The following CLSTN2 variants were observed in gnomAD, a reference collection of about 807,000 sequenced individuals.
CLSTN2 encodes the protein calsyntenin 2.
A neutral mutation model predicts 101.2 loss-of-function variants in CLSTN2; 48 were observed. The observed-to-expected ratio is 0.47, with a 90% CI of 0.38 to 0.60. The LOEUF is 0.60. CLSTN2 is among the 20% of genes least tolerant of loss of function. The pLI, the probability that CLSTN2 is intolerant of heterozygous loss-of-function variation, is 0.00. For missense variants in CLSTN2, 1,160 were observed against 1,238.2 expected (o/e 0.94, Z 0.95); for synonymous variants, 481 against 463.6 (o/e 1.04, Z -0.48).
At chr3:140,370,607 A>G (rs762976921) in intron 2 of CLSTN2, among the ~76,000 whole-genome samples, 1 of 151,898 alleles carries the variant, frequency 6.6e-6, no homozygotes, top group Non-Finnish European at 1.5e-5. Flanking sequence ...CCCCAGCACA[A>G]CTCCACTGGT....
intron 2 of CLSTN2, among the ~76,000 whole-genome samples, chr3:140,177,732 G>T (rs1308645090): frequency 6.6e-6 from 1 of 152,122 alleles, no homozygotes; most frequent in East Asian, 1.9e-4. Context: ...ATTTTAGATG[G>T]CTGCTGTGAA....
At chr3:140,214,479 A>G (rs2010897356) in intron 2 of CLSTN2, among the ~76,000 whole-genome samples, 1 of 151,804 alleles carries the variant, frequency 6.6e-6, no homozygotes. Flanking sequence ...GTCCACTTTG[A>G]AGGGGTTTTT....
intron 1 of CLSTN2, among the ~76,000 whole-genome samples, chr3:140,125,605 G>A (rs538497949): frequency 2.0e-5 from 3 of 152,150 alleles, no homozygotes; most frequent in East Asian, 1.9e-4. Context: ...AGAGGAAGGT[G>A]TGAACTAATC....
intron 8 of CLSTN2, among the ~76,000 whole-genome samples, chr3:140,525,026 A>G (rs1935107471): frequency 6.6e-6 from 1 of 152,224 alleles, no homozygotes; most frequent in Non-Finnish European, 1.5e-5. Context: ...CTAACATCAC[A>G]CCTAGAGGAA....
chr3:139,986,425 T>C (rs1325106831), intron 1 of CLSTN2, among the ~76,000 whole-genome samples: 2 of 152,106 alleles, frequency 1.3e-5, no homozygotes, highest in Admixed American at 6.5e-5. Context: ...TCTTGCCCAA[T>C]GTAAGTGGCA....
At chr3:140,281,096 T>A (rs1265582095) in intron 2 of CLSTN2, among the ~76,000 whole-genome samples, 1 of 152,210 alleles carries the variant, frequency 6.6e-6, no homozygotes, top group Non-Finnish European at 1.5e-5. Context: ...CAGGTCTAAA[T>A]GGGAGTGTGA....
At chr3:140,420,510 C>A (rs2088489766) in intron 4 of CLSTN2, among the ~76,000 whole-genome samples, 1 of 152,154 alleles carries the variant, frequency 6.6e-6, no homozygotes, top group Admixed American at 6.5e-5. Context: ...CAAAAACACA[C>A]AAACAACTCA....
At chr3:140,059,950 G>A (rs2008170604) in intron 1 of CLSTN2, among the ~76,000 whole-genome samples, 2 of 152,132 alleles carry the variant, frequency 1.3e-5, no homozygotes, top group Non-Finnish European at 2.9e-5. Context: ...ACCGATCTGG[G>A]GAGGAACTGG....
intron 12 of CLSTN2, among the ~76,000 whole-genome samples, chr3:140,559,696 T>C (rs902146886): frequency 6.6e-6 from 1 of 152,058 alleles, no homozygotes; most frequent in African/African-American, 2.4e-5. Flanking sequence ...TCCAAGAGAA[T>C]ATATTCAACT....
At chr3:140,392,390 A>G (rs2107971333) in intron 2 of CLSTN2, among the ~76,000 whole-genome samples, 1 of 152,204 alleles carries the variant, frequency 6.6e-6, no homozygotes, top group Middle Eastern at 3.4e-3. Context: ...ACAGTCTAAG[A>G]CATCTCAAAT....
intron 5 of CLSTN2, among the ~76,000 whole-genome samples, chr3:140,428,146 T>C (rs1387302738): frequency 6.6e-6 from 1 of 152,206 alleles, no homozygotes; most frequent in Non-Finnish European, 1.5e-5. Flanking sequence ...ATCCAGTGGC[T>C]AGTTTGGGGT....
At position 140,577,299 on chromosome 3, in the gene CLSTN2, T is replaced by C. The variant is rs879232554; in HGVS notation, c.*11046T>C. 6.6e-6 allele frequency: 1 copy of C among 152,264 alleles called. No homozygotes were observed. The highest frequency in any genetic ancestry group is 2.4e-5 in the African/African-American group (1 of 41,476). 9.4% of individuals were successfully genotyped at this position (152,264 alleles called of 1,614,324 possible). A position where few individuals can be genotyped will look rare whatever the true frequency, so the allele number is the denominator to read the frequency against. On this transcript the variant is annotated 3_prime_UTR_variant, in exon 17 of 17. Transcript: ENST00000458420. ...ACACAGACAGATTTTTATTTTCAGCTGTGGCTTGTAAATGCCTACAAACTG... is the reference window on the plus strand; with the variant it reads ...ACACAGACAGATTTTTATTTTCAGCCGTGGCTTGTAAATGCCTACAAACTG...
intron 2 of CLSTN2, among the ~76,000 whole-genome samples, chr3:140,230,925 T>C (rs1014932747): frequency 1.3e-5 from 2 of 152,186 alleles, no homozygotes; most frequent in Non-Finnish European, 1.5e-5. Flanking sequence ...AAGAACCTTG[T>C]AGGCTCTCAG....
At chr3:139,952,286 C>A (rs1415646031) in intron 1 of CLSTN2, among the ~76,000 whole-genome samples, 1 of 152,116 alleles carries the variant, frequency 6.6e-6, no homozygotes, top group Non-Finnish European at 1.5e-5. Context: ...ACCATATTTT[C>A]GATTATAATG....
At chr3:140,463,797 G>A (rs1013375013) in intron 7 of CLSTN2, among the ~76,000 whole-genome samples, 2 of 152,232 alleles carry the variant, frequency 1.3e-5, no homozygotes, top group African/African-American at 4.8e-5. Flanking sequence ...GGGCCAAAGG[G>A]ACATCCAGAA....
intron 8 of CLSTN2, among the ~76,000 whole-genome samples, chr3:140,522,050 T>C (rs1244284619): frequency 1.3e-5 from 2 of 152,202 alleles, no homozygotes; most frequent in Admixed American, 1.3e-4. Flanking sequence ...CCCTGGTGGC[T>C]TGGGCTAATG....
intron 2 of CLSTN2, among the ~76,000 whole-genome samples, chr3:140,328,304 T>G (rs1031926645): frequency 6.6e-6 from 1 of 152,138 alleles, no homozygotes; most frequent in Non-Finnish European, 1.5e-5. Context: ...AGAGACCAAC[T>G]CCTTAAGCTG....
intron 1 of CLSTN2, among the ~76,000 whole-genome samples, chr3:140,044,640 C>T (rs1233290655): frequency 6.6e-6 from 1 of 152,122 alleles, no homozygotes; most frequent in Non-Finnish European, 1.5e-5. Context: ...AGTTTTTGCC[C>T]ATTCAGTATG....
chr3:140,336,232 C>G (rs1184917148), intron 2 of CLSTN2, among the ~76,000 whole-genome samples: 1 of 152,168 alleles, frequency 6.6e-6, no homozygotes, highest in East Asian at 1.9e-4. Flanking sequence ...GCATTTTAAA[C>G]ATTTTATTTC....
Sources: gnomAD v4.1 joint callset for allele counts (sites outside exome capture counted in the v4.1 genomes callset) on GRCh38, gnomAD v4.1.1 for gene constraint, MANE v1.5 for transcripts, NCBI Gene and HGNC (gene_info 2026-07-23, HGNC 2026-07-21) for gene names.